Variants in SPATA17 observed in about 807,000 individuals in gnomAD.
SPATA17 encodes spermatogenesis associated 17.
A neutral mutation model predicts 62.2 loss-of-function variants in SPATA17; 53 were observed. The observed-to-expected ratio is 0.85, with a 90% CI of 0.68 to 1.07. The LOEUF (loss-of-function observed/expected upper bound fraction) is 1.07. SPATA17 is among the 50% of genes least tolerant of loss of function. The pLI, the probability that SPATA17 is intolerant of heterozygous loss-of-function variation, is 0.00. For synonymous variants in SPATA17, 146 were observed against 146.8 expected, an observed-to-expected ratio of 0.99 and a Z score of 0.04; for missense variants, 466 against 425.5, an observed-to-expected ratio of 1.10 and a Z score of -0.84.
chr1:217,763,707 G>T (rs1340302889), intron 6 of SPATA17, among the ~76,000 whole-genome samples: 1 of 152,144 alleles, frequency 6.6e-6, no homozygotes, highest in Non-Finnish European at 1.5e-5. Flanking sequence ...AAGATATTAT[G>T]GTTGCTTGGA....
chr1:217,667,138 C>G (rs1670715528), intron 3 of SPATA17, among the ~76,000 whole-genome samples: 1 of 149,940 alleles, frequency 6.7e-6, no homozygotes, highest in Non-Finnish European at 1.5e-5. Flanking sequence ...ACCTCCGCCT[C>G]CCAGGTTCAA....
chr1:217,752,473 G>A (rs1169040448), intron 6 of SPATA17, among the ~76,000 whole-genome samples: 1 of 152,064 alleles, frequency 6.6e-6, no homozygotes, highest in Non-Finnish European at 1.5e-5. Context: ...TGTTTTCTAT[G>A]TTTTGACTTC....
rs545335039 is a variant in SPATA17, at chr1:217,645,030, G to A, written c.69-3852G>A. ...TTGTATGAGTATTCAGCATCCCAGC[G>A]GTAACCCAGCATCTGTAAATTTTGT... is the stretch of plus-strand genomic sequence containing the variant. On this transcript the variant is annotated intron_variant, in intron 1 of 10. Transcript: ENST00000366933. 2.8e-4 allele frequency among the ~76,000 whole-genome samples: 42 copies of A among 151,832 alleles called. 1 individual carries two copies. In the South Asian group the frequency reaches 3.7e-3, roughly 14 times the overall value.
chr1:217,743,405 A>G (rs994084665), intron 6 of SPATA17, among the ~76,000 whole-genome samples: 3 of 152,038 alleles, frequency 2.0e-5, no homozygotes, highest in African/African-American at 7.2e-5. Context: ...AGTAATTTCA[A>G]CTTTCATTAA....
In SPATA17 at chr1:217,801,667, C is replaced by T. The variant is rs138818707; in HGVS notation, c.873-51C>T. 529 of 1,492,166 alleles carry T rather than the reference C, an allele frequency of 3.5e-4. 4 individuals are homozygous for T. In the African/African-American group the frequency reaches 6.9e-3, roughly 19 times the overall value. 92.4% of individuals were successfully genotyped at this position (1,492,166 alleles called of 1,614,324 possible). On this transcript the variant is annotated intron_variant, in intron 8 of 10. Transcript: ENST00000366933. ...TTCTACAAAGCCTTATTTTAAAAAT[C>T]AAATGTCTCTAGAAATCAAGTTAAG...
chr1:217,663,952 A>G (rs1387808977), intron 3 of SPATA17, among the ~76,000 whole-genome samples: 1 of 152,042 alleles, frequency 6.6e-6, no homozygotes, highest in East Asian at 1.9e-4. Flanking sequence ...AAATATGCGA[A>G]GAAGGATTTT....
At chr1:217,692,768 G>C (rs1671368529) in intron 5 of SPATA17, among the ~76,000 whole-genome samples, 1 of 78,240 alleles carries the variant, frequency 1.3e-5, no homozygotes, top group East Asian at 4.1e-4. Flanking sequence ...TTTGTCTTTG[G>C]CTCTGTTTAT....
chr1:217,866,402 A>T (rs1676011197), intron 10 of SPATA17: 1 of 152,114 alleles, frequency 6.6e-6, no homozygotes, highest in African/African-American at 2.4e-5. Context: ...GACATTCCAT[A>T]TGTCTAGTGG....
chr1:217,741,593 T>C (rs988484553), intron 5 of SPATA17, among the ~76,000 whole-genome samples: 2 of 152,138 alleles, frequency 1.3e-5, no homozygotes, highest in Non-Finnish European at 2.9e-5. Flanking sequence ...GATTTGAAAA[T>C]ACAAACCCAA....
intron 6 of SPATA17, among the ~76,000 whole-genome samples, chr1:217,753,064 G>A (rs1672955144): frequency 6.6e-6 from 1 of 152,140 alleles, no homozygotes; most frequent in Non-Finnish European, 1.5e-5. Context: ...CAACCCACGG[G>A]GAAGTGTGAT....
chr1:217,867,987 A>G lies in SPATA17; in HGVS notation c.*968A>G, dbSNP rs1336974543. ...GCCAGCGAAATCCAGACTCTGGGAA[A>G]TGTTATAGGCCAAATGATCTGTTTC... On this transcript the variant is annotated 3_prime_UTR_variant, in exon 11 of 11. Transcript: ENST00000366933. The G allele has an allele frequency of 6.6e-6, 1 of 152,058 alleles. No individual in the cohort carries two copies. Among genetic ancestry groups the G allele is most frequent in the African/African-American group, 2.4e-5 (1 of 41,456 alleles). 9.4% of individuals were successfully genotyped at this position (152,058 alleles called of 1,614,324 possible).
chr1:217,793,510 G>T (rs553823257), intron 8 of SPATA17, among the ~76,000 whole-genome samples: 2 of 152,058 alleles, frequency 1.3e-5, no homozygotes, highest in Non-Finnish European at 2.9e-5. Flanking sequence ...GTGCGCCACC[G>T]TGCCCGGCAG....
chr1:217,821,095 TG>T (rs1365778674), intron 9 of SPATA17, among the ~76,000 whole-genome samples: 1 of 152,090 alleles, frequency 6.6e-6, no homozygotes, highest in Non-Finnish European at 1.5e-5. Context: ...TAGAATGCAG[TG>T]GCACCAAGCC....
At chr1:217,786,379 A>G (rs1673861574) in intron 8 of SPATA17, among the ~76,000 whole-genome samples, 1 of 152,156 alleles carries the variant, frequency 6.6e-6, no homozygotes, top group African/African-American at 2.4e-5. Context: ...GATGATTGAG[A>G]TTTTGATAGA....
chr1:217,654,077 C>CT (rs543127509), intron 3 of SPATA17, among the ~76,000 whole-genome samples: 32 of 150,080 alleles, frequency 2.1e-4, no homozygotes, highest in African/African-American at 7.8e-4. Context: ...TTCTTTCTCC[C>CT]TTCCTTTTCT....
chr1:217,646,409 A>G (rs1250762056), intron 1 of SPATA17, among the ~76,000 whole-genome samples: 1 of 152,184 alleles, frequency 6.6e-6, no homozygotes, highest in Non-Finnish European at 1.5e-5. Flanking sequence ...ATCATTTCAA[A>G]TACTCATCTC....
intron 8 of SPATA17, among the ~76,000 whole-genome samples, chr1:217,794,320 A>C (rs1044724187): frequency 6.6e-6 from 1 of 152,144 alleles, no homozygotes; most frequent in East Asian, 1.9e-4. Flanking sequence ...CTGTTTAAAA[A>C]TCGTTTTGTT....
At chr1:217,662,328 G>A (rs146505362) in intron 3 of SPATA17, among the ~76,000 whole-genome samples, 12 of 152,086 alleles carry the variant, frequency 7.9e-5, no homozygotes, top group South Asian at 2.1e-4. Flanking sequence ...TCAATGTTAC[G>A]TTTTTAAATT....
intron 9 of SPATA17, among the ~76,000 whole-genome samples, chr1:217,849,031 A>T (rs1425494377): frequency 6.6e-6 from 1 of 152,154 alleles, no homozygotes; most frequent in East Asian, 1.9e-4. Context: ...TGGATGCAAT[A>T]TCCTTTCTAA....
Sources: gnomAD v4.1 joint callset for allele counts (sites outside exome capture counted in the v4.1 genomes callset) on GRCh38, gnomAD v4.1.1 for gene constraint, MANE v1.5 for transcripts, NCBI Gene and HGNC (gene_info 2026-07-23, HGNC 2026-07-21) for gene names.